The following ROCK1 variants were observed in gnomAD, a reference collection of about 807,000 sequenced individuals.
ROCK1 encodes Rho associated coiled-coil containing protein kinase 1, also known as rho-associated protein kinase 1.
In ROCK1, 36 loss-of-function variants were observed where a neutral mutation model predicts 196.8. The ratio of observed to expected loss-of-function variants is 0.18; its 90% CI spans 0.14 to 0.24. The LOEUF (loss-of-function observed/expected upper bound fraction) is 0.24. Among genes scored for constraint, ROCK1 ranks in the 10% least tolerant of loss-of-function variants. The pLI, the probability that ROCK1 is intolerant of heterozygous loss-of-function variation, is 1.00. For missense variants in ROCK1, 920 were observed against 1,562.0 expected (o/e 0.59, Z 6.93); for synonymous variants, 443 against 515.9 (o/e 0.86, Z 1.91).
At chr18:20,960,300 T>G (rs945526644) in intron 27 of ROCK1, 94 bp from the exon 28 acceptor site, 1 of 769,352 alleles carries the variant, frequency 1.3e-6, no homozygotes, top group African/African-American at 1.9e-5. Flanking sequence ...CAACAAGCAA[T>G]TGAACACAAC....
chr18:20,967,076 G>A lies in ROCK1; in HGVS notation c.3193C>T (p.Gln1065Ter), dbSNP rs2143354026. 6.3e-7 allele frequency: 1 copy of A among 1,596,332 alleles called. No homozygotes were observed. The highest frequency in any genetic ancestry group is 8.6e-7 in the Non-Finnish European group (1 of 1,168,836). The change falls in exon 27 of 33, where the codon CAA becomes TAA. Residue 1065 changes from glutamine (Q) to a stop codon, truncating the protein, a stop_gained and splice_region_variant. Transcript: ENST00000399799. LOFTEE classifies it high-confidence loss of function. ...CTATGTGCACATTCTTCTACCAATT[G>A]CTAATTTTGAAAAGTATCAAGATAA... ...HQKELNDMQA[Q>*]LVEECAHRNE...
chr18:21,008,880 A>G (rs1339752270), intron 13 of ROCK1, among the ~76,000 whole-genome samples: 5 of 152,218 alleles, frequency 3.3e-5, no homozygotes, highest in African/African-American at 1.2e-4. Context: ...GAGACATTAT[A>G]TATAACAATA....
chr18:20,996,732 A>G (rs1025603530), intron 16 of ROCK1, among the ~76,000 whole-genome samples: 4 of 152,188 alleles, frequency 2.6e-5, no homozygotes, highest in Admixed American at 2.6e-4. Flanking sequence ...AACAACTATA[A>G]TACTTTCCAA....
At chr18:21,001,721 TGCCACTGCACTGTAGCCTGGGTGACA>T (rs1325599820) in intron 16 of ROCK1, among the ~76,000 whole-genome samples, 4 of 150,838 alleles carry the variant, frequency 2.7e-5, no homozygotes, top group Non-Finnish European at 5.9e-5. Flanking sequence ...GCCGAGATCA[TGCCACTGCACTGTAGCCTGGGTGACA>T]GAGTGAGGCT....
intron 1 of ROCK1, among the ~76,000 whole-genome samples, chr18:21,087,190 A>C (rs1177041982): frequency 6.6e-6 from 1 of 152,212 alleles, no homozygotes; most frequent in Non-Finnish European, 1.5e-5. Flanking sequence ...ACACACAAAA[A>C]CACTTTCAGA....
chr18:21,023,573 C>T (rs771558170), intron 11 of ROCK1, 47 bp downstream of exon 11: 4 of 1,061,550 alleles, frequency 3.8e-6, no homozygotes, highest in East Asian at 2.7e-5. Context: ...ATATTATCCA[C>T]AAAACAATTT....
intron 13 of ROCK1, among the ~76,000 whole-genome samples, chr18:21,014,065 C>CAA (rs56355855): frequency 2.7e-4 from 19 of 69,732 alleles, no homozygotes; most frequent in South Asian, 5.4e-4. Flanking sequence ...GACTCTGTCT[C>CAA]AAAAAAAAAA....
chr18:21,070,478 G>A, intron 2 of ROCK1, 54 bp downstream of exon 2: 1 of 923,864 alleles, frequency 1.1e-6, no homozygotes, highest in Non-Finnish European at 1.7e-6. Flanking sequence ...AATGACATAA[G>A]TGAAAATGTA....
intron 16 of ROCK1, among the ~76,000 whole-genome samples, chr18:20,997,746 G>A (rs1017802910): frequency 1.3e-5 from 2 of 151,878 alleles, no homozygotes; most frequent in African/African-American, 4.8e-5. Flanking sequence ...CACAAAGCAA[G>A]TCTTGAAAAA....
chr18:20,970,797 T>C (rs771570589), intron 22 of ROCK1, among the ~76,000 whole-genome samples: 3 of 152,196 alleles, frequency 2.0e-5, no homozygotes, highest in Non-Finnish European at 4.4e-5. Flanking sequence ...AGAAATTTCT[T>C]GCAGATTTGG....
At position 21,049,991 on chromosome 18, in the gene ROCK1, G is replaced by C. The variant is rs185436086; in HGVS notation, c.176-111C>G. The stretch of plus-strand genomic sequence containing the variant: ...CACAATGAAAAACAACAAACTTCAT[G>C]AAGAATTATTTGAAAATATGGTGAA... On this transcript the variant is annotated intron_variant, in intron 2 of 32. Transcript: ENST00000399799. The C allele has an allele frequency of 6.9e-5, 36 of 520,004 alleles. No individual in the cohort carries two copies. In the East Asian group the frequency reaches 1.3e-3, roughly 18 times the overall value. 32.2% of individuals were successfully genotyped at this position (520,004 alleles called of 1,614,324 possible).
chr18:21,051,624 C>T (rs2036204602), intron 2 of ROCK1, among the ~76,000 whole-genome samples: 2 of 152,134 alleles, frequency 1.3e-5, no homozygotes, highest in Admixed American at 6.5e-5. Flanking sequence ...TACCTATCAG[C>T]CAGTAGTTAC....
At chr18:21,043,538 T>C (rs1206228327) in intron 6 of ROCK1, among the ~76,000 whole-genome samples, 3 of 145,188 alleles carry the variant, frequency 2.1e-5, no homozygotes, top group Non-Finnish European at 4.6e-5. Flanking sequence ...AACATATTTA[T>C]TTATGTTATT....
intron 1 of ROCK1, among the ~76,000 whole-genome samples, chr18:21,087,468 A>G (rs990509089): frequency 6.6e-6 from 1 of 152,216 alleles, no homozygotes; most frequent in Non-Finnish European, 1.5e-5. Flanking sequence ...GGTTGGAAGT[A>G]AAAGAATGGG....
intron 9 of ROCK1, among the ~76,000 whole-genome samples, chr18:21,037,508 G>A (rs2143495526): frequency 6.6e-6 from 1 of 152,212 alleles, no homozygotes; most frequent in South Asian, 2.1e-4. Context: ...TGGTATTTTA[G>A]GGGTGGGAAG....
intron 29 of ROCK1, chr18:20,955,531 G>C (rs149529515): frequency 0.064 from 16,418 of 256,090 alleles, 750 homozygotes; most frequent in Admixed American, 0.15. Context: ...TCTGGAAAAA[G>C]AATATGGCAA....
intron 1 of ROCK1, among the ~76,000 whole-genome samples, chr18:21,107,945 T>C (rs562951752): frequency 2.0e-5 from 3 of 151,802 alleles, no homozygotes; most frequent in Admixed American, 1.3e-4. Context: ...TCCCAACTAC[T>C]CGTGGGGGCT....
chr18:21,041,289 A>C (rs2036103787), intron 8 of ROCK1, among the ~76,000 whole-genome samples: 1 of 151,366 alleles, frequency 6.6e-6, no homozygotes, highest in Admixed American at 6.6e-5. Context: ...AAAAAAAAAA[A>C]AAAAGTAAAC....
chr18:20,950,761 AT>A lies in ROCK1; in HGVS notation c.*622del, dbSNP rs1042999747. Reference sequence around the variant, plus strand: ...CCAAACTTGCTGAAACATATACAGTATTTTGTAAAGCATAATGAAAGATATT... The same window carrying A: ...CCAAACTTGCTGAAACATATACAGTATTTGTAAAGCATAATGAAAGATATT... On this transcript the variant is annotated 3_prime_UTR_variant, in exon 33 of 33. Transcript: ENST00000399799. The A allele has an allele frequency of 2.0e-5, 3 of 152,582 alleles. No homozygotes were observed. Among genetic ancestry groups the A allele is most frequent in the African/African-American group, 7.2e-5 (3 of 41,430 alleles). 9.5% of individuals were successfully genotyped at this position (152,582 alleles called of 1,614,324 possible). A position where few individuals can be genotyped will look rare whatever the true frequency, so the allele number is the denominator to read the frequency against.
Sources: gnomAD v4.1 joint callset for allele counts (sites outside exome capture counted in the v4.1 genomes callset) on GRCh38, gnomAD v4.1.1 for gene constraint, MANE v1.5 for transcripts, NCBI Gene and HGNC (gene_info 2026-07-23, HGNC 2026-07-21) for gene names.